Variants in SDC1 observed in about 807,000 individuals in gnomAD.
SDC1 encodes the protein syndecan-1.
A neutral mutation model predicts 29.7 loss-of-function variants in SDC1; 14 were observed. That is an observed-to-expected ratio of 0.47 (90% CI 0.31 to 0.74). SDC1 has a LOEUF of 0.74. Ranked by LOEUF, SDC1 falls within the 30% of genes least tolerant of loss-of-function variation. The pLI is 0.05. For missense variants in SDC1, 406 were observed against 400.3 expected (o/e 1.01, Z -0.12); for synonymous variants, 204 against 175.5 (o/e 1.16, Z -1.29).
Position 20,202,092 on chromosome 2 carries a change from T to C in SDC1, c.*674A>G, listed in dbSNP as rs1210436579. ...TTTTGGCTTCCAGATTTGGTTCTCC[T>C]AGTTTAAAAAAAAAAAAAAAAAGTC... On this transcript the variant is annotated 3_prime_UTR_variant, in exon 5 of 5. Transcript: ENST00000254351. The C allele has an allele frequency of 7.4e-5, 39 of 529,694 alleles. No individual in the cohort carries two copies. The Middle Eastern group carries it at 9.0e-4, about 12-fold the overall frequency. 32.8% of individuals were successfully genotyped at this position (529,694 alleles called of 1,614,324 possible). A position where few individuals can be genotyped will look rare whatever the true frequency, so the allele number is the denominator to read the frequency against.
chr2:20,219,973 C>G (rs1487510129), intron 1 of SDC1, among the ~76,000 whole-genome samples: 1 of 152,208 alleles, frequency 6.6e-6, no homozygotes, highest in East Asian at 1.9e-4. Flanking sequence ...AGAATGTTTC[C>G]CCAGCGCCCA....
chr2:20,217,472 A>G (rs950708126), intron 1 of SDC1, among the ~76,000 whole-genome samples: 2 of 152,160 alleles, frequency 1.3e-5, no homozygotes, highest in Non-Finnish European at 2.9e-5. Flanking sequence ...CACAGCCACA[A>G]GAGGCCATGC....
At chr2:20,208,703 T>C (rs1227007968) in intron 1 of SDC1, among the ~76,000 whole-genome samples, 1 of 152,050 alleles carries the variant, frequency 6.6e-6, no homozygotes, top group Non-Finnish European at 1.5e-5. Context: ...CAGCATCATC[T>C]CCAACCTGGG....
intron 1 of SDC1, chr2:20,223,162 G>T: frequency 1.0e-6 from 1 of 953,712 alleles, no homozygotes; most frequent in Non-Finnish European, 1.5e-6. Context: ...TAGGCACAGG[G>T]ACCTCTCCTG....
intron 1 of SDC1, among the ~76,000 whole-genome samples, chr2:20,210,254 T>C (rs1677422310): frequency 6.6e-6 from 1 of 152,066 alleles, no homozygotes; most frequent in Admixed American, 6.6e-5. Context: ...GGCAGGAGAA[T>C]CACTTGAACC....
At chr2:20,212,344 G>A (rs1245824069) in intron 1 of SDC1, among the ~76,000 whole-genome samples, 2 of 152,250 alleles carry the variant, frequency 1.3e-5, no homozygotes, top group Non-Finnish European at 2.9e-5. Flanking sequence ...TGGCCAAAAT[G>A]GTGGGACTCG....
chr2:20,223,192 G>A, intron 1 of SDC1: 3 of 1,237,396 alleles, frequency 2.4e-6, no homozygotes, highest in Admixed American at 2.3e-5. Context: ...ATGTCTGGAA[G>A]CACGAGTCAC....
At chr2:20,209,638 G>T (rs1677397324) in intron 1 of SDC1, among the ~76,000 whole-genome samples, 1 of 152,240 alleles carries the variant, frequency 6.6e-6, no homozygotes, top group South Asian at 2.1e-4. Context: ...GAAGTCTGTG[G>T]GCAGAGAGCT....
Position 20,203,239 on chromosome 2 carries a change from G to A in SDC1, c.628-17C>T. The A allele has an allele frequency of 1.9e-6, 3 of 1,591,616 alleles. No individual in the cohort carries two copies. The highest frequency in any genetic ancestry group is 1.1e-5 in the South Asian group (1 of 89,560). On this transcript the variant is annotated splice_polypyrimidine_tract_variant and intron_variant, in intron 3 of 4. Transcript: ENST00000254351. ...GGTGAAGTCCTGTGGGAGGGCAGGG[G>A]CAGATTGGGTTGGCCAGGTCACCGC...
intron 3 of SDC1, 87 bp from the exon 4 acceptor site, chr2:20,203,309 T>G: frequency 2.7e-6 from 4 of 1,456,462 alleles, no homozygotes; most frequent in Non-Finnish European, 3.7e-6. Flanking sequence ...AAGCAGCTCC[T>G]GCCTCCCTGA....
At position 20,202,838 on chromosome 2, in the gene SDC1, G is replaced by A. The variant is rs1214493546; in HGVS notation, c.861C>T (p.Ser287=). 1.2e-6 allele frequency: 2 copies of A among 1,613,750 alleles called. No homozygotes were observed. The highest frequency in any genetic ancestry group is 1.7e-6 in the Non-Finnish European group (2 of 1,179,930). ...CGTTGGCTTGTTTCGGCTCCTCCAA[G>A]GAGTAGCTGCCTTCGTCCTTCTTCT... is the stretch of plus-strand genomic sequence containing the variant. ...RMKKKDEGSY[S]LEEPKQANGG... The change falls in exon 5 of 5, where the codon TCC becomes TCT. Residue 287 remains serine, a synonymous_variant. Coordinates refer to ENST00000254351, the MANE Select transcript of SDC1 (RefSeq NM_002997.5).
rs549449724 is a variant in SDC1, at chr2:20,204,441, G to A, written c.149-150C>T. 4.2e-5 allele frequency: 27 copies of A among 648,172 alleles called. No homozygotes were observed. In the South Asian group the frequency reaches 5.1e-4, roughly 12 times the overall value. 40.2% of individuals were successfully genotyped at this position (648,172 alleles called of 1,614,324 possible). ...AGGCTAGTACCTGGACAAGGCAGCT[G>A]AGGCTAAGCTCCTTGGAAAATGGAC... On this transcript the variant is annotated intron_variant, in intron 2 of 4. Transcript: ENST00000254351.
In SDC1 at chr2:20,202,310, C is replaced by T. The variant is rs112481629; in HGVS notation, c.*456G>A. 1.3e-6 allele frequency: 1 copy of T among 777,656 alleles called. No individual in the cohort carries two copies. The highest frequency in any genetic ancestry group is 1.7e-5 in the African/African-American group (1 of 59,086). 48.2% of individuals were successfully genotyped at this position (777,656 alleles called of 1,614,324 possible). A position where few individuals can be genotyped will look rare whatever the true frequency, so the allele number is the denominator to read the frequency against. On this transcript the variant is annotated 3_prime_UTR_variant, in exon 5 of 5. Transcript: ENST00000254351. ...CCACGAAACAAAGTGGACTCCTGTC[C>T]CCTGCCACTCAGCGGCCACCCCCCC...
chr2:20,202,163 G>A lies in SDC1; in HGVS notation c.*603C>T. On this transcript the variant is annotated 3_prime_UTR_variant, in exon 5 of 5. Coordinates refer to ENST00000254351, the MANE Select transcript of SDC1 (RefSeq NM_002997.5). ...TCCCGACCATAGATTAGGGAAGCAA[G>A]ATGGGGGGATACCGAATCAACTTAC... 1.5e-6 allele frequency: 1 copy of A among 648,532 alleles called. No individual in the cohort carries two copies. Among genetic ancestry groups the A allele is most frequent in the Non-Finnish European group, 2.8e-6 (1 of 353,234 alleles). The allele number at this position is 648,532 out of a possible 1,614,324, so 40.2% of individuals were successfully genotyped here.
Position 20,205,324 on chromosome 2 carries a change from G to GC in SDC1, c.148+18dup, listed in dbSNP as rs1453623466. 2 of 1,602,672 alleles carry GC rather than the reference G, an allele frequency of 1.2e-6. No homozygotes were observed. Among genetic ancestry groups the GC allele is most frequent in the African/African-American group, 1.3e-5 (1 of 74,692 alleles). ...CCTGTTGCCGTCTTGGGTGGGGGGGGCCCCCATGACAACCTCACCTGCACC... is the reference window on the plus strand; with the variant it reads ...CCTGTTGCCGTCTTGGGTGGGGGGGGCCCCCCATGACAACCTCACCTGCACC... On this transcript the variant is annotated intron_variant, in intron 2 of 4. Transcript: ENST00000254351.
chr2:20,202,568 A>G lies in SDC1; in HGVS notation c.*198T>C. On this transcript the variant is annotated 3_prime_UTR_variant, in exon 5 of 5. Coordinates refer to ENST00000254351, the MANE Select transcript of SDC1 (RefSeq NM_002997.5). ...TATGCGAGAAACCCCTGGTGCCCTAAGTCTCCAGGCAGAAGTCAGAGAAGC... is the reference window on the plus strand; with the variant it reads ...TATGCGAGAAACCCCTGGTGCCCTAGGTCTCCAGGCAGAAGTCAGAGAAGC... 3.2e-6 allele frequency: 2 copies of G among 627,902 alleles called. No individual in the cohort carries two copies. The highest frequency in any genetic ancestry group is 2.8e-6 in the Non-Finnish European group (1 of 355,842). 38.9% of individuals were successfully genotyped at this position (627,902 alleles called of 1,614,324 possible). A position where few individuals can be genotyped will look rare whatever the true frequency, so the allele number is the denominator to read the frequency against.
At chr2:20,211,490 G>C (rs1388473407) in intron 1 of SDC1, among the ~76,000 whole-genome samples, 1 of 152,252 alleles carries the variant, frequency 6.6e-6, no homozygotes, top group Non-Finnish European at 1.5e-5. Context: ...TGGCAGCCCA[G>C]CCTCCCTCCC....
rs11350492 is a variant in SDC1 at position 20,202,097 on chromosome 2, TAAA to T, written c.*666_*668del. ...GCTTCCAGATTTGGTTCTCCTAGTT[TAAA>T]AAAAAAAAAAAAAAGTCTTCTTAAC... On this transcript the variant is annotated 3_prime_UTR_variant, in exon 5 of 5. Transcript: ENST00000254351. The T allele has an allele frequency of 0.017, 7,974 of 455,964 alleles. No individual in the cohort carries two copies. Among genetic ancestry groups the T allele is most frequent in the South Asian group, 0.032 (935 of 29,166 alleles). 28.2% of individuals were successfully genotyped at this position (455,964 alleles called of 1,614,324 possible).
At chr2:20,216,523 C>T (rs1240793189) in intron 1 of SDC1, among the ~76,000 whole-genome samples, 1 of 152,206 alleles carries the variant, frequency 6.6e-6, no homozygotes, top group East Asian at 1.9e-4. Context: ...TCATATTCGC[C>T]TGGAACACTA....
Sources: allele counts gnomAD v4.1 joint callset (sites outside exome capture counted in the v4.1 genomes callset), GRCh38; gene constraint gnomAD v4.1.1; transcripts MANE v1.5; gene names NCBI Gene and HGNC (gene_info 2026-07-23, HGNC 2026-07-21).